Variants in SASH1 observed in about 807,000 individuals in gnomAD.
The protein encoded by SASH1 is SAM and SH3 domain-containing protein 1.
SASH1 carries 44 observed loss-of-function variants against 125.2 expected under a neutral mutation model. The observed-to-expected ratio is 0.35, with a 90% CI of 0.28 to 0.45. SASH1 has a LOEUF of 0.45. SASH1 is among the 20% of genes least tolerant of loss of function. The pLI is 1.00. For synonymous variants in SASH1, 639 were observed against 649.1 expected (o/e 0.98, Z 0.24); for missense variants, 1,426 against 1,614.5 (o/e 0.88, Z 2.00).
rs56950339 is a variant in SASH1, at chr6:148,324,118, CAAAAA to C, written n.74+51755_74+51759del. 5.0e-3 allele frequency among the ~76,000 whole-genome samples: 295 copies of C among 59,444 alleles called. 15 individuals carry two copies. Among genetic ancestry groups the C allele is most frequent in the African/African-American group, 0.02 (275 of 14,058 alleles). The allele number at this position is 59,444 out of a possible 152,430, so 39.0% of individuals were successfully genotyped here. A position where few individuals can be genotyped will look rare whatever the true frequency, so the allele number is the denominator to read the frequency against. ...GTGGTGACAGAGCAAGAATCTGTCTCAAAAAAAAAAAAAAAAAACAAGCATAAGTG... is the reference window on the plus strand; with the variant it reads ...GTGGTGACAGAGCAAGAATCTGTCTCAAAAAAAAAAAAACAAGCATAAGTG... On this transcript the variant is annotated intron_variant and non_coding_transcript_variant, in intron 1 of 3. Transcript: ENST00000367469.
intron 2 of SASH1, among the ~76,000 whole-genome samples, chr6:148,418,016 A>G (rs954555131): frequency 6.6e-6 from 1 of 152,184 alleles, no homozygotes; most frequent in Non-Finnish European, 1.5e-5. Context: ...TGTGATTGAC[A>G]AAAGGTGGGG....
At chr6:148,407,450 T>C (rs1352587753) in intron 2 of SASH1, among the ~76,000 whole-genome samples, 5 of 152,242 alleles carry the variant, frequency 3.3e-5, no homozygotes, top group Non-Finnish European at 5.9e-5. Flanking sequence ...CCTTGTCCCA[T>C]ATACCACATT....
chr6:148,409,163 C>T (rs1459107833), intron 2 of SASH1, among the ~76,000 whole-genome samples: 4 of 152,138 alleles, frequency 2.6e-5, no homozygotes, highest in Non-Finnish European at 4.4e-5. Context: ...ACGTGCTTGT[C>T]TCATCTCTTC....
chr6:148,333,542 G>A (rs1781055315), intron 1 of SASH1, among the ~76,000 whole-genome samples: 1 of 152,122 alleles, frequency 6.6e-6, no homozygotes, highest in Admixed American at 6.6e-5. Flanking sequence ...GAGAAGCACT[G>A]CTCTAGATAA....
Position 148,330,296 on chromosome 6 carries a change from G to A in SASH1, n.74+57919G>A, listed in dbSNP as rs370023854. ...TTCCTGGGATTAATTACGTGAGTGA[G>A]AATCTTTTGTTCTATGCACATAACA... On this transcript the variant is annotated intron_variant and non_coding_transcript_variant, in intron 1 of 3. Coordinates refer to the SASH1 transcript ENST00000367469. Among the ~76,000 whole-genome samples, 8 of 152,208 alleles carry A rather than the reference G, an allele frequency of 5.3e-5. No individual in the cohort carries two copies. The East Asian group carries it at 7.7e-4, about 15-fold the overall frequency.
At chr6:148,457,443 C>T (rs760589562) in intron 4 of SASH1, among the ~76,000 whole-genome samples, 1 of 152,106 alleles carries the variant, frequency 6.6e-6, no homozygotes, top group Non-Finnish European at 1.5e-5. Context: ...GTTTGGGTGT[C>T]GGAAGAGCTG....
At chr6:148,363,017 CTTA>C (rs1782299735) in intron 1 of SASH1, among the ~76,000 whole-genome samples, 5 of 152,314 alleles carry the variant, frequency 3.3e-5, no homozygotes, top group Admixed American at 2.6e-4. Flanking sequence ...GCATAGAAGT[CTTA>C]TTGGTGCAGG....
At chr6:148,236,648 T>C in the SASH1 span, among the ~76,000 whole-genome samples, 1 of 152,150 alleles carries the variant, frequency 6.6e-6, no homozygotes, top group Non-Finnish European at 1.5e-5. Flanking sequence ...GCTCCAAACG[T>C]CCTGTCTTTC....
In SASH1 at chr6:148,343,092, C is replaced by T; in HGVS notation, c.25C>T (p.Pro9Ser). 5.8e-6 allele frequency: 9 copies of T among 1,545,132 alleles called. No homozygotes were observed. The highest frequency in any genetic ancestry group is 7.8e-6 in the Non-Finnish European group (9 of 1,152,482). The change falls in exon 1 of 20, where the codon CCG becomes TCG. Residue 9 changes from proline (P) to serine (S), a missense_variant. Around this residue, in one of 3 missense-constraint regions of SASH1, gnomAD observed 567 missense variants for 575.6 expected, o/e 0.99. Transcript: ENST00000367467. The part of the protein sequence containing the change: MEDAGAAG[P>S]GPEPEPEPEP... ...CATGGAGGACGCGGGAGCAGCTGGC[C>T]CGGGGCCGGAGCCTGAGCCCGAGCC...
rs1236650296 is a variant in SASH1 at position 148,532,939 on chromosome 6, C to G, written c.1707C>G (p.Pro569=). 2 of 1,614,078 alleles carry G rather than the reference C, an allele frequency of 1.2e-6. No homozygotes were observed. The highest frequency in any genetic ancestry group is 2.7e-5 in the African/African-American group (2 of 74,940). The part of the protein sequence containing the change: ...ARVHTDFTPS[P]YDTDSLKLKK... ...TGCACACCGACTTCACCCCCAGTCC[C>G]TATGACACAGACTCACTCAAGCTCA... Residue 569 remains proline (P), a synonymous_variant, in exon 14 of 20, where the codon CCC becomes CCG. Coordinates refer to ENST00000367467, the MANE Select transcript of SASH1 (RefSeq NM_015278.5). The surrounding 1 kb of genome is among the most constrained non-coding windows in gnomAD (Gnocchi z 4.7).
In SASH1 at chr6:148,452,931, G is replaced by A. The variant is rs371254606; in HGVS notation, c.386+12524G>A. Among the ~76,000 whole-genome samples, 7 of 152,246 alleles carry A rather than the reference G, an allele frequency of 4.6e-5. No homozygotes were observed. In the East Asian group the frequency reaches 5.8e-4, roughly 13 times the overall value. ...CATAGAGCCTGTGCAGTAGCAATGC[G>A]CTGAAGCGTGCGTTTGTGCAGGCAT... On this transcript the variant is annotated intron_variant, in intron 4 of 19. Coordinates refer to ENST00000367467, the MANE Select transcript of SASH1 (RefSeq NM_015278.5).
At chr6:148,297,556 G>A (rs1196209925) in intron 1 of SASH1, among the ~76,000 whole-genome samples, 5 of 152,160 alleles carry the variant, frequency 3.3e-5, no homozygotes, top group Non-Finnish European at 5.9e-5. Context: ...ATTATTGTCC[G>A]GGTGTGGCGG....
chr6:148,234,796 C>T, the SASH1 span, among the ~76,000 whole-genome samples: 1 of 150,354 alleles, frequency 6.7e-6, no homozygotes, highest in Non-Finnish European at 1.5e-5. Flanking sequence ...CATTGCACTC[C>T]AGCCTGGGCA....
At chr6:148,329,049 C>A (rs1374735148) in intron 1 of SASH1, among the ~76,000 whole-genome samples, 1 of 152,088 alleles carries the variant, frequency 6.6e-6, no homozygotes, top group Non-Finnish European at 1.5e-5. Flanking sequence ...GATTTCCTGC[C>A]CCAATAGGTG....
chr6:148,367,553 G>T (rs1782520568), intron 1 of SASH1, among the ~76,000 whole-genome samples: 1 of 152,224 alleles, frequency 6.6e-6, no homozygotes, highest in African/African-American at 2.4e-5. Context: ...TCCTCAGGAA[G>T]CTTTCCTTGG....
intron 1 of SASH1, chr6:148,283,300 TTGGG>T (rs1394990221): frequency 2.0e-5 from 3 of 152,280 alleles, no homozygotes; most frequent in African/African-American, 7.2e-5. Flanking sequence ...CTGCAGCCGC[TTGGG>T]TCTTGAGACA....
At chr6:148,542,879 TGC>T (rs1554273831) in intron 17 of SASH1, among the ~76,000 whole-genome samples, 8 of 138,910 alleles carry the variant, frequency 5.8e-5, no homozygotes, top group African/African-American at 1.1e-4. Flanking sequence ...TGTGTGTGTG[TGC>T]GCGCGCACAT....
At chr6:148,203,062 T>C in the SASH1 span, among the ~76,000 whole-genome samples, 1 of 152,208 alleles carries the variant, frequency 6.6e-6, no homozygotes, top group Non-Finnish European at 1.5e-5. Flanking sequence ...GAAATCTGGA[T>C]ACATTGTTAT....
chr6:148,314,350 G>A (rs1002396344), intron 1 of SASH1, among the ~76,000 whole-genome samples: 3 of 152,154 alleles, frequency 2.0e-5, no homozygotes, highest in African/African-American at 7.2e-5. Flanking sequence ...AAAACAAAAA[G>A]TACTTGATCA....
Sources: allele counts gnomAD v4.1 joint callset (sites outside exome capture counted in the v4.1 genomes callset), GRCh38; gene constraint gnomAD v4.1.1; regional missense constraint gnomAD v4.1.1; non-coding constraint Gnocchi (gnomAD v3.1); transcripts MANE v1.5; gene names NCBI Gene and HGNC (gene_info 2026-07-23, HGNC 2026-07-21).